ZDHHC19: variants seen among roughly 807,000 people sequenced by gnomAD.
ZDHHC19 encodes the protein palmitoyltransferase ZDHHC19.
A neutral mutation model predicts 33.9 loss-of-function variants in ZDHHC19; 30 were observed. The ratio of observed to expected loss-of-function variants is 0.88; its 90% CI spans 0.66 to 1.20. The LOEUF (loss-of-function observed/expected upper bound fraction) is 1.20. Among genes scored for constraint, ZDHHC19 ranks in the 50% most tolerant of loss-of-function variants. ZDHHC19 has a pLI of 0.00. For synonymous variants in ZDHHC19, 178 were observed against 167.6 expected (o/e 1.06, Z -0.48); for missense variants, 364 against 401.1 (o/e 0.91, Z 0.79).
intron 1 of ZDHHC19, among the ~76,000 whole-genome samples, 198 bp downstream of exon 1, chr3:196,210,972 C>G: frequency 6.6e-6 from 1 of 151,750 alleles, no homozygotes; most frequent in Admixed American, 6.5e-5. Flanking sequence ...CACGTCGGTT[C>G]CTGGAACAGA....
intron 5 of ZDHHC19, 116 bp from the exon 6 acceptor site, chr3:196,198,990 C>G (rs1398128508): frequency 1.9e-5 from 19 of 1,014,144 alleles, no homozygotes; most frequent in Non-Finnish European, 2.6e-5. Context: ...AGGGCACCAG[C>G]AAGCTGGAGG....
intron 6 of ZDHHC19, 68 bp downstream of exon 6, chr3:196,198,720 AG>A (rs1400634165): frequency 6.8e-6 from 11 of 1,606,532 alleles, no homozygotes; most frequent in African/African-American, 1.3e-5. Context: ...TGTGGTAAGG[AG>A]CCAGGGTGAA....
chr3:196,211,315 TGGCTGGGCCTCCTTC>T lies in ZDHHC19; in HGVS notation c.-15_-1del, dbSNP rs1263483577. On this transcript the variant is annotated 5_prime_UTR_variant, in exon 1 of 8. Transcript: ENST00000296326. ...GGCGTGGCATCCGTTAAGAGTGTCA[TGGCTGGGCCTCCTTC>T]GCCTCCAGGGGAGGTCAGAGCCACC... is the stretch of plus-strand genomic sequence containing the variant. The T allele has an allele frequency of 1.2e-6, 2 of 1,606,778 alleles. No homozygotes were observed. Among genetic ancestry groups the T allele is most frequent in the African/African-American group, 2.7e-5 (2 of 74,732 alleles).
chr3:196,198,369 G>C lies in ZDHHC19; in HGVS notation c.856C>G (p.Pro286Ala). Residue 286 changes from proline (P) to alanine (A), a missense_variant, in exon 7 of 8, where the codon CCC becomes GCC. Transcript: ENST00000296326. ...SMPNLHPPMS[P>A]SALNPPAPTS... is the part of the protein sequence containing the mutation. ...GGGGCTGGGGGGTTGAGAGCAGAGGGGGACATTGGAGGGTGCAGATTCGGC... is the reference window on the plus strand; with the variant it reads ...GGGGCTGGGGGGTTGAGAGCAGAGGCGGACATTGGAGGGTGCAGATTCGGC... 1 of 1,530,728 alleles carries C rather than the reference G, an allele frequency of 6.5e-7. No individual in the cohort carries two copies. Among genetic ancestry groups the C allele is most frequent in the Non-Finnish European group, 8.8e-7 (1 of 1,138,740 alleles). The allele number at this position is 1,530,728 out of a possible 1,614,324, so 94.8% of individuals were successfully genotyped here.
chr3:196,211,277 C>T lies in ZDHHC19; in HGVS notation c.39G>A (p.Glu13=), dbSNP rs369764988. Residue 13 remains glutamate (E), a synonymous_variant, in exon 1 of 8, where the codon GAG becomes GAA. Transcript: ENST00000296326. ...LLTDATPLVK[E]PHPLPLVPRP... ...GTGGGACCAGAGGCAGGGGATGGGG[C>T]TCCTTCACCAGCGGCGTGGCATCCG... 14 of 1,613,982 alleles carry T rather than the reference C, an allele frequency of 8.7e-6. No individual in the cohort carries two copies. The South Asian group carries it at 1.5e-4, about 18-fold the overall frequency.
At chr3:196,207,281 C>T in intron 5 of ZDHHC19, 117 bp downstream of exon 5, 1 of 856,608 alleles carries the variant, frequency 1.2e-6, no homozygotes, top group Non-Finnish European at 1.8e-6. Context: ...TCTGGAGGGA[C>T]CTAACGAGGC....
chr3:196,206,357 AT>A (rs201464181), intron 5 of ZDHHC19, among the ~76,000 whole-genome samples: 1,646 of 149,026 alleles, frequency 0.011, 41 homozygotes, highest in African/African-American at 0.038. Flanking sequence ...CAGCCTGGGC[AT>A]TTTTTTTTAA....
rs780714150 is a variant in ZDHHC19, at chr3:196,208,480, G to C, written c.489C>G (p.Ser163=). The C allele has an allele frequency of 1.2e-6, 2 of 1,614,066 alleles. No homozygotes were observed. Among genetic ancestry groups the C allele is most frequent in the South Asian group, 2.2e-5 (2 of 91,094 alleles). ...NFRFFMLLVL[S]LCLYSGAMLV... ...GCATGGCGCCCGAGTAGAGGCACAG[G>C]GACAGGACAAGCAGCATGAAGAAGC... The change falls in exon 4 of 8, where the codon TCC becomes TCG. Residue 163 remains serine, a synonymous_variant. Transcript: ENST00000296326.
intron 4 of ZDHHC19, among the ~76,000 whole-genome samples, chr3:196,208,075 T>C (rs1722917664): frequency 6.6e-6 from 1 of 151,696 alleles, no homozygotes; most frequent in African/African-American, 2.4e-5. Context: ...GGCTAATTTT[T>C]CTATTTTTTT....
At chr3:196,210,297 G>GGAAGGAAT (rs1723140090) in intron 2 of ZDHHC19, among the ~76,000 whole-genome samples, 1 of 116,062 alleles carries the variant, frequency 8.6e-6, no homozygotes. Context: ...AAGGAAGGAA[G>GGAAGGAAT]GAAAGAGAGA....
intron 2 of ZDHHC19, 25 bp from the exon 3 acceptor site, chr3:196,209,540 C>G: frequency 6.2e-7 from 1 of 1,609,574 alleles, no homozygotes; most frequent in Non-Finnish European, 8.5e-7. Context: ...GGATTGGGCA[C>G]AGCAGAAGGC....
chr3:196,199,444 T>C lies in ZDHHC19; in HGVS notation c.688-570A>G, dbSNP rs117197592. On this transcript the variant is annotated intron_variant, in intron 5 of 7. Coordinates refer to ENST00000296326, the MANE Select transcript of ZDHHC19 (RefSeq NM_001039617.2). Reference sequence around the variant, plus strand: ...TCCCCTGTGTCCCATGTCCCCGCTCTCCGCCGCAAAGGCTGAGATTTTCAA... The same window carrying C: ...TCCCCTGTGTCCCATGTCCCCGCTCCCCGCCGCAAAGGCTGAGATTTTCAA... 4.8e-3 allele frequency: 762 copies of C among 157,390 alleles called. 19 individuals carry two copies. The South Asian group carries it at 0.082, about 17-fold the overall frequency. 9.7% of individuals were successfully genotyped at this position (157,390 alleles called of 1,614,324 possible).
intron 2 of ZDHHC19, among the ~76,000 whole-genome samples, chr3:196,210,278 G>GA: frequency 7.1e-6 from 1 of 139,872 alleles, no homozygotes; most frequent in East Asian, 2.2e-4. Context: ...GAGAAAGAAA[G>GA]AAAGAAAGAA....
rs1333452063 is a variant in ZDHHC19, at chr3:196,200,406, G to T, written c.688-1532C>A. ...GTCTTGCTCTGTCACCCAGGCTGGA[G>T]TGCAGTGGCGCGATCTCAGCTCACT... is the stretch of plus-strand genomic sequence containing the variant. On this transcript the variant is annotated intron_variant, in intron 5 of 7. Transcript: ENST00000296326. Among the ~76,000 whole-genome samples the T allele has an allele frequency of 4.8e-5, 7 of 145,338 alleles. No individual in the cohort carries two copies. In the Admixed American group the frequency reaches 4.9e-4, roughly 10 times the overall value.
At position 196,208,390 on chromosome 3, in the gene ZDHHC19, G is replaced by T. The variant is rs576954717; in HGVS notation, c.579C>A (p.Ile193=). 3.7e-6 allele frequency: 6 copies of T among 1,613,696 alleles called. No individual in the cohort carries two copies. In the South Asian group the frequency reaches 6.6e-5, roughly 18 times the overall value. The change falls in exon 4 of 8, where the codon ATC becomes ATA. Residue 193 remains isoleucine, a splice_region_variant and synonymous_variant. Coordinates refer to ENST00000296326, the MANE Select transcript of ZDHHC19 (RefSeq NM_001039617.2). ...THLPFSTDKA[I]AIVVAVSAAG... ...TGCTTCCCCACGTGGGCGGATACGCGATGGCCTTGTCGGTGGAGAAGGGCA... is the reference window on the plus strand; with the variant it reads ...TGCTTCCCCACGTGGGCGGATACGCTATGGCCTTGTCGGTGGAGAAGGGCA...
At chr3:196,198,533 G>C (rs779346592) in intron 6 of ZDHHC19, 82 bp from the exon 7 acceptor site, 1 of 1,575,622 alleles carries the variant, frequency 6.3e-7, no homozygotes. Context: ...GGAAGCACAC[G>C]GCCCAGGGCT....
chr3:196,207,261 A>C (rs1722810522), intron 5 of ZDHHC19, 137 bp downstream of exon 5: 5 of 684,332 alleles, frequency 7.3e-6, no homozygotes, highest in Non-Finnish European at 1.2e-5. Context: ...GGAGCCTCTT[A>C]AGAGCTGGGT....
At position 196,198,982 on chromosome 3, in the gene ZDHHC19, G is replaced by A. The variant is rs560191211; in HGVS notation, c.688-108C>T. The A allele has an allele frequency of 1.7e-4, 196 of 1,132,206 alleles. 1 individual carries two copies. The South Asian group carries it at 2.2e-3, about 13-fold the overall frequency. 70.1% of individuals were successfully genotyped at this position (1,132,206 alleles called of 1,614,324 possible). On this transcript the variant is annotated intron_variant, in intron 5 of 7. Coordinates refer to ENST00000296326, the MANE Select transcript of ZDHHC19 (RefSeq NM_001039617.2). ...GTCAGCTAGCCAGGGCTCAGCCCAG[G>A]GCACCAGCAAGCTGGAGGCCAGGAG...
At position 196,198,259 on chromosome 3, in the gene ZDHHC19, A is replaced by C. The variant is rs1197525693; in HGVS notation, c.*19+17T>G. ...TCCCGACACGCACAGACACCCACGC[A>C]CACACACGCTTCTTACCTCCTGGAG... On this transcript the variant is annotated intron_variant, in intron 7 of 7. Coordinates refer to ENST00000296326, the MANE Select transcript of ZDHHC19 (RefSeq NM_001039617.2). The C allele has an allele frequency of 6.7e-7, 1 of 1,483,570 alleles. No homozygotes were observed. Among genetic ancestry groups the C allele is most frequent in the Non-Finnish European group, 8.9e-7 (1 of 1,118,028 alleles). The allele number at this position is 1,483,570 out of a possible 1,614,324, so 91.9% of individuals were successfully genotyped here.
Sources: allele counts gnomAD v4.1 joint callset (sites outside exome capture counted in the v4.1 genomes callset), GRCh38; gene constraint gnomAD v4.1.1; transcripts MANE v1.5; gene names NCBI Gene and HGNC (gene_info 2026-07-23, HGNC 2026-07-21).